ZNF705B: variants seen among roughly 807,000 people sequenced by gnomAD.
ZNF705B encodes the protein zinc finger protein 705B.
A neutral mutation model predicts 10.5 loss-of-function variants in ZNF705B; 1 was observed. That is an observed-to-expected ratio of 0.10 (90% CI 0.03 to 0.45). The LOEUF is 0.45. Among genes scored for constraint, ZNF705B ranks in the 20% least tolerant of loss-of-function variants. The probability of loss-of-function intolerance (pLI) is 0.97; values close to 1 mark genes in which losing one functional copy is unlikely to be tolerated. For synonymous variants in ZNF705B, 4 were observed against 25.4 expected (o/e 0.16, Z 2.53); for missense variants, 14 against 84.0 (o/e 0.17, Z 3.26).
intron 1 of ZNF705B, among the ~76,000 whole-genome samples, 174 bp from the exon 2 acceptor site, chr8:7,930,113 T>C (rs1248490744): frequency 8.9e-6 from 1 of 112,108 alleles, no homozygotes; most frequent in Non-Finnish European, 2.1e-5. Flanking sequence ...ACCAGATAGG[T>C]AGTTTTTTAA....
At chr8:7,929,348 G>A (rs1378291159) in intron 1 of ZNF705B, among the ~76,000 whole-genome samples, 1 of 121,454 alleles carries the variant, frequency 8.2e-6, no homozygotes, top group Non-Finnish European at 2.0e-5. Context: ...AATAAAAAAT[G>A]TTTAAAGGGT....
At chr8:7,929,087 G>C (rs1413818377) in intron 1 of ZNF705B, among the ~76,000 whole-genome samples, 5 of 121,380 alleles carry the variant, frequency 4.1e-5, no homozygotes, top group Non-Finnish European at 9.9e-5. Flanking sequence ...AAAAACTACT[G>C]AAATTTGAAA....
At chr8:7,935,471 AT>A (rs917002236) in intron 2 of ZNF705B, among the ~76,000 whole-genome samples, 10 of 112,112 alleles carry the variant, frequency 8.9e-5, no homozygotes, top group African/African-American at 2.6e-4. Context: ...CTTTTCCATG[AT>A]AACTTCTTGG....
intron 1 of ZNF705B, among the ~76,000 whole-genome samples, chr8:7,926,861 C>CA (rs1235648108): frequency 8.8e-6 from 1 of 114,012 alleles, no homozygotes; most frequent in African/African-American, 2.6e-5. Flanking sequence ...TTCCTTTATT[C>CA]AAAAAATATT....
chr8:7,933,928 A>ATTTTTTTTT (rs1441452227), intron 2 of ZNF705B, among the ~76,000 whole-genome samples: 3 of 49,252 alleles, frequency 6.1e-5, no homozygotes, highest in African/African-American at 2.2e-4. Context: ...TGTAATATAA[A>ATTTTTTTTT]CTTTTTTTTT....
intron 2 of ZNF705B, among the ~76,000 whole-genome samples, chr8:7,936,872 T>G (rs1216683952): frequency 8.4e-6 from 1 of 119,570 alleles, no homozygotes; most frequent in Non-Finnish European, 2.0e-5. Flanking sequence ...AAATAAAGGT[T>G]GAAGTTATTT....
chr8:7,926,397 G>C lies in ZNF705B; in HGVS notation c.-222G>C, dbSNP rs960119691. 3.4e-5 allele frequency: 4 copies of C among 118,788 alleles called. No individual in the cohort carries two copies. The highest frequency in any genetic ancestry group is 1.0e-4 in the African/African-American group (4 of 38,618). 7.4% of individuals were successfully genotyped at this position (118,788 alleles called of 1,614,324 possible). On this transcript the variant is annotated splice_region_variant and 5_prime_UTR_variant, in exon 1 of 7. Transcript: ENST00000400120. ...TGGAGGGTGGAGGAACCAACTGCAA[G>C]GTGGGTTTCCAGTAGGGCCAACTGG... is the stretch of plus-strand genomic sequence containing the variant.
chr8:7,927,426 A>T (rs1484749963), intron 1 of ZNF705B, among the ~76,000 whole-genome samples: 1 of 121,040 alleles, frequency 8.3e-6, no homozygotes, highest in Non-Finnish European at 2.0e-5. Context: ...AATGATGATG[A>T]GCTTTTTTTC....
intron 2 of ZNF705B, among the ~76,000 whole-genome samples, chr8:7,940,153 T>A (rs1401705951): frequency 7.7e-5 from 10 of 129,808 alleles, no homozygotes; most frequent in African/African-American, 2.8e-4. Context: ...AATCCCCACC[T>A]ATCATTTTTG....
intron 2 of ZNF705B, among the ~76,000 whole-genome samples, chr8:7,931,729 C>T (rs1471563551): frequency 7.6e-6 from 1 of 130,766 alleles, no homozygotes; most frequent in Non-Finnish European, 1.8e-5. Flanking sequence ...CTGTCAGTGT[C>T]AGTGGTCCTG....
At chr8:7,926,806 A>G (rs145472842) in intron 1 of ZNF705B, among the ~76,000 whole-genome samples, 2 of 116,634 alleles carry the variant, frequency 1.7e-5, no homozygotes, top group African/African-American at 5.1e-5. Context: ...CTCAAGCTCT[A>G]TTGCTGTCAA....
Position 7,934,851 on chromosome 8 carries a change from CT to C in ZNF705B, c.-72+4418del, listed in dbSNP as rs576883947. Among the ~76,000 whole-genome samples, 430 of 48,606 alleles carry C rather than the reference CT, an allele frequency of 8.8e-3. 5 individuals are homozygous for C. Among genetic ancestry groups the C allele is most frequent in the African/African-American group, 0.018 (419 of 23,586 alleles). 31.9% of individuals were successfully genotyped at this position (48,606 alleles called of 152,430 possible). A position where few individuals can be genotyped will look rare whatever the true frequency, so the allele number is the denominator to read the frequency against. On this transcript the variant is annotated intron_variant, in intron 2 of 6. Transcript: ENST00000400120. ...GGCTGGAGGTGAGTAGCCTGCTTCC[CT>C]TTACAAGTTCTAGAGCATACAAGTT...
chr8:7,928,961 G>C (rs1255987628), intron 1 of ZNF705B, among the ~76,000 whole-genome samples: 1 of 114,728 alleles, frequency 8.7e-6, no homozygotes, highest in Non-Finnish European at 2.1e-5. Flanking sequence ...CGCAGGGCTA[G>C]GAATACAAAA....
At chr8:7,937,153 C>T (rs1358806684) in intron 2 of ZNF705B, among the ~76,000 whole-genome samples, 1 of 115,408 alleles carries the variant, frequency 8.7e-6, no homozygotes, top group Non-Finnish European at 2.1e-5. Flanking sequence ...AGAAACTTGC[C>T]CAAGATTACC....
Position 7,930,288 on chromosome 8 carries a change from T to C in ZNF705B, c.-220T>C, listed in dbSNP as rs544912212. 2 of 104,434 alleles carry C rather than the reference T, an allele frequency of 1.9e-5. No homozygotes were observed. The highest frequency in any genetic ancestry group is 5.5e-5 in the African/African-American group (2 of 36,450). The allele number at this position is 104,434 out of a possible 1,614,324, so 6.5% of individuals were successfully genotyped here. A position where few individuals can be genotyped will look rare whatever the true frequency, so the allele number is the denominator to read the frequency against. On this transcript the variant is annotated splice_region_variant and 5_prime_UTR_variant, in exon 2 of 7. Coordinates refer to ENST00000400120, the MANE Select transcript of ZNF705B (RefSeq NM_001193630.1). ...AGCTGAATTCAAACTCATTCCCAGA[T>C]CACTTGTCCTCCTCAATTGATGTAC...
chr8:7,930,760 G>A (rs1317859570), intron 2 of ZNF705B, among the ~76,000 whole-genome samples: 9 of 113,606 alleles, frequency 7.9e-5, no homozygotes, highest in South Asian at 3.1e-4. Flanking sequence ...CAATGGCAAC[G>A]ACAACACTAA....
At chr8:7,928,311 A>G (rs1173190659) in intron 1 of ZNF705B, among the ~76,000 whole-genome samples, 2 of 120,658 alleles carry the variant, frequency 1.7e-5, no homozygotes, top group Non-Finnish European at 4.0e-5. Flanking sequence ...AGACAGAAAT[A>G]TTCAAACATT....
chr8:7,942,248 T>C (rs1377703197), intron 2 of ZNF705B, among the ~76,000 whole-genome samples: 1 of 37,840 alleles, frequency 2.6e-5, no homozygotes, highest in African/African-American at 6.3e-5. Context: ...TATTCCATGG[T>C]GTACATATAC....
intron 3 of ZNF705B, among the ~76,000 whole-genome samples, chr8:7,948,172 GTAGA>G (rs1820252957): frequency 9.1e-5 from 2 of 21,932 alleles, no homozygotes; most frequent in African/African-American, 1.6e-4. Context: ...AAGGAATATA[GTAGA>G]TAGAGTACAA....
Sources: gnomAD v4.1 joint callset for allele counts (sites outside exome capture counted in the v4.1 genomes callset) on GRCh38, gnomAD v4.1.1 for gene constraint, MANE v1.5 for transcripts, NCBI Gene and HGNC (gene_info 2026-07-23, HGNC 2026-07-21) for gene names.